Variants in MED13L observed in about 807,000 individuals in gnomAD.
The protein encoded by MED13L is mediator of RNA polymerase II transcription subunit 13-like.
A neutral mutation model predicts 220.9 loss-of-function variants in MED13L; 7 were observed. The observed-to-expected ratio is 0.03, with a 90% CI of 0.02 to 0.06. The LOEUF (loss-of-function observed/expected upper bound fraction) is 0.06, where lower values mean the gene tolerates loss of function less well. MED13L is among the 10% of genes least tolerant of loss of function. The pLI is 1.00. For missense variants in MED13L, 1,965 were observed against 2,760.5 expected, an observed-to-expected ratio of 0.71 and a Z score of 6.46; for synonymous variants, 1,011 against 1,015.2, an observed-to-expected ratio of 1.00 and a Z score of 0.08.
chr12:116,193,842 C>T (rs763645045), intron 2 of MED13L, among the ~76,000 whole-genome samples: 3 of 152,208 alleles, frequency 2.0e-5, no homozygotes, highest in East Asian at 1.9e-4. Flanking sequence ...ACAAGTAAAC[C>T]GATCACTGTA....
At chr12:116,077,680 A>C (rs970513388) in intron 4 of MED13L, among the ~76,000 whole-genome samples, 5 of 152,242 alleles carry the variant, frequency 3.3e-5, no homozygotes, top group Non-Finnish European at 7.3e-5. Flanking sequence ...TAACACTAGA[A>C]GAAAAACTGG....
intron 1 of MED13L, among the ~76,000 whole-genome samples, chr12:116,259,251 G>A (rs1381338195): frequency 1.3e-5 from 2 of 152,022 alleles, no homozygotes; most frequent in East Asian, 1.9e-4. Flanking sequence ...AATGTTAAGC[G>A]GAAAAAGCAC....
chr12:116,270,176 T>C (rs997034565), intron 1 of MED13L, among the ~76,000 whole-genome samples: 11 of 151,646 alleles, frequency 7.3e-5, no homozygotes, highest in African/African-American at 2.7e-4. Context: ...AGACTCTCGC[T>C]CTGTCGCCAG....
chr12:116,051,436 T>C (rs539469049), intron 4 of MED13L, among the ~76,000 whole-genome samples: 5 of 152,348 alleles, frequency 3.3e-5, no homozygotes, highest in Admixed American at 2.6e-4. Flanking sequence ...ATTTAAAAAT[T>C]CTAATTAGCC....
intron 2 of MED13L, among the ~76,000 whole-genome samples, chr12:116,129,287 GGA>G (rs1875862382): frequency 6.6e-6 from 1 of 152,096 alleles, no homozygotes; most frequent in Non-Finnish European, 1.5e-5. Context: ...CCCATTTTCA[GGA>G]GAGTTATTAA....
chr12:116,122,794 G>A (rs767048366), intron 2 of MED13L, among the ~76,000 whole-genome samples: 1 of 152,118 alleles, frequency 6.6e-6, no homozygotes, highest in Non-Finnish European at 1.5e-5. Flanking sequence ...CAGCATTGTA[G>A]CAGTTGAGAC....
At position 116,008,689 on chromosome 12, in the gene MED13L, G is replaced by C. The variant is rs377144746; in HGVS notation, c.1724C>G (p.Ser575Trp). ...GQETESLDPP[S>W]VPVNPALYGN... ...ATAAAGGGCTGGATTCACAGGGACC[G>C]ATGGTGGGTCCAAACTCTCTGTTTC... The change falls in exon 10 of 31, where the codon TCG (serine) becomes TGG (tryptophan). Residue 575 changes from serine to tryptophan, a missense_variant. Coordinates refer to ENST00000281928, the MANE Select transcript of MED13L (RefSeq NM_015335.5). 2 of 1,613,904 alleles carry C rather than the reference G, an allele frequency of 1.2e-6. No homozygotes were observed. Among genetic ancestry groups the C allele is most frequent in the Non-Finnish European group, 1.7e-6 (2 of 1,179,996 alleles).
Position 116,084,774 on chromosome 12 carries a change from C to CA in MED13L, c.479+11894dup, listed in dbSNP as rs569655073. The stretch of plus-strand genomic sequence containing the variant: ...GGGTGACAGAGCAGGACCCTGTCGC[C>CA]AAAAAAAAAAAAAAAGAAGTAGAAA... On this transcript the variant is annotated intron_variant, in intron 4 of 30. Transcript: ENST00000281928. Among the ~76,000 whole-genome samples the CA allele has an allele frequency of 6.4e-3, 568 of 88,842 alleles. 2 individuals carry two copies. The highest frequency in any genetic ancestry group is 0.018 in the African/African-American group (407 of 23,158). 58.3% of individuals were successfully genotyped at this position (88,842 alleles called of 152,430 possible). A position where few individuals can be genotyped will look rare whatever the true frequency, so the allele number is the denominator to read the frequency against.
chr12:116,101,516 G>A (rs777660217), intron 3 of MED13L, among the ~76,000 whole-genome samples: 5 of 151,832 alleles, frequency 3.3e-5, no homozygotes, highest in Non-Finnish European at 5.9e-5. Flanking sequence ...ATGTATTCTC[G>A]CTAATGCAAC....
Position 116,237,577 on chromosome 12 carries a change from G to A in MED13L, c.201C>T (p.Asn67=), listed in dbSNP as rs144509091. Residue 67 remains asparagine, a synonymous_variant, in exon 2 of 31, where the codon AAC becomes AAT. Coordinates refer to ENST00000281928, the MANE Select transcript of MED13L (RefSeq NM_015335.5). ...LLSFIRCLQA[N]LLCVWRRDVK... ...CATCACGACGCCATACACAAAGCAG[G>A]TTAGCTTGCAGACAGCGGATGAAAC... The A allele has an allele frequency of 2.7e-5, 43 of 1,614,160 alleles. No individual in the cohort carries two copies. In the African/African-American group the frequency reaches 5.1e-4, roughly 19 times the overall value.
Position 115,961,243 on chromosome 12 carries a change from A to G in MED13L, c.*23T>C, listed in dbSNP as rs1233172098. The stretch of plus-strand genomic sequence containing the variant: ...GGTTGCAGGGAGAAGGAACTGAGCC[A>G]GAGAGAACAAGTGCTTTTCCAATTA... On this transcript the variant is annotated 3_prime_UTR_variant, in exon 31 of 31. Coordinates refer to ENST00000281928, the MANE Select transcript of MED13L (RefSeq NM_015335.5). 1 of 1,614,058 alleles carries G rather than the reference A, an allele frequency of 6.2e-7. No homozygotes were observed. The highest frequency in any genetic ancestry group is 1.7e-5 in the Admixed American group (1 of 60,022).
intron 7 of MED13L, among the ~76,000 whole-genome samples, chr12:116,015,975 TATA>T (rs1314561571): frequency 1.4e-5 from 2 of 139,064 alleles, no homozygotes; most frequent in African/African-American, 5.3e-5. Context: ...TGGTTATAAA[TATA>T]ATCTATTTCT....
chr12:116,064,212 C>T (rs983380281), intron 4 of MED13L, among the ~76,000 whole-genome samples: 2 of 150,746 alleles, frequency 1.3e-5, no homozygotes, highest in Non-Finnish European at 3.0e-5. Flanking sequence ...TATTTGCATA[C>T]GACCTACACA....
intron 2 of MED13L, among the ~76,000 whole-genome samples, chr12:116,223,448 T>C (rs932626992): frequency 3.3e-5 from 5 of 152,092 alleles, no homozygotes; most frequent in African/African-American, 1.2e-4. Context: ...TGGATCACGC[T>C]TGTAATCCCA....
chr12:116,272,115 T>C (rs1873417065), intron 1 of MED13L, among the ~76,000 whole-genome samples: 1 of 152,210 alleles, frequency 6.6e-6, no homozygotes, highest in Non-Finnish European at 1.5e-5. Flanking sequence ...ATGTAAATAG[T>C]AATATTTACA....
chr12:116,141,978 G>A (rs183370337), intron 2 of MED13L, among the ~76,000 whole-genome samples: 38 of 151,932 alleles, frequency 2.5e-4, no homozygotes, highest in Non-Finnish European at 4.7e-4. Flanking sequence ...TCCTTCATCA[G>A]ACCAATTATA....
intron 3 of MED13L, among the ~76,000 whole-genome samples, chr12:116,108,121 A>C (rs974550503): frequency 6.6e-6 from 1 of 151,850 alleles, no homozygotes; most frequent in African/African-American, 2.4e-5. Flanking sequence ...AAAAAAAAAA[A>C]ACCCCTCAGT....
intron 4 of MED13L, among the ~76,000 whole-genome samples, chr12:116,025,986 ATG>A (rs1880365461): frequency 6.6e-6 from 1 of 152,218 alleles, no homozygotes; most frequent in South Asian, 2.1e-4. Flanking sequence ...TACAATTATT[ATG>A]TGTCAATTTA....
chr12:116,205,459 G>A (rs1318338569), intron 2 of MED13L, among the ~76,000 whole-genome samples: 4 of 126,022 alleles, frequency 3.2e-5, no homozygotes, highest in South Asian at 2.6e-4. Flanking sequence ...CATAAAAGAA[G>A]CACAATGGTC....
Sources: gnomAD v4.1 joint callset for allele counts (sites outside exome capture counted in the v4.1 genomes callset) on GRCh38, gnomAD v4.1.1 for gene constraint, MANE v1.5 for transcripts, NCBI Gene and HGNC (gene_info 2026-07-23, HGNC 2026-07-21) for gene names.